The following LRPAP1 variants were observed in gnomAD, a reference collection of about 807,000 sequenced individuals.
LRPAP1 encodes the protein LDL receptor related protein associated protein 1.
LRPAP1 carries 41 observed loss-of-function variants against 39.9 expected under a neutral mutation model. That is an observed-to-expected ratio of 1.03 (90% CI 0.80 to 1.33). The LOEUF is 1.33. LRPAP1 is among the 40% of genes most tolerant of loss of function. The probability of loss-of-function intolerance (pLI) is 0.00; values close to 1 mark genes in which losing one functional copy is unlikely to be tolerated. For missense variants in LRPAP1, 565 were observed against 482.3 expected, an observed-to-expected ratio of 1.17 and a Z score of -1.61; for synonymous variants, 263 against 212.7, an observed-to-expected ratio of 1.24 and a Z score of -2.06.
intron 3 of LRPAP1, among the ~76,000 whole-genome samples, chr4:3,519,669 C>A (rs765512026): frequency 6.6e-6 from 1 of 152,210 alleles, no homozygotes; most frequent in Admixed American, 6.5e-5. Context: ...TTCCCAGGCA[C>A]AGGGTGAAAG....
chr4:3,509,986 T>C lies in LRPAP1; in HGVS notation c.*2988A>G, dbSNP rs78388152. 1.1e-5 allele frequency: 1 copy of C among 93,580 alleles called. No homozygotes were observed. The highest frequency in any genetic ancestry group is 8.0e-4 in the East Asian group (1 of 1,244). 5.8% of individuals were successfully genotyped at this position (93,580 alleles called of 1,614,324 possible). A position where few individuals can be genotyped will look rare whatever the true frequency, so the allele number is the denominator to read the frequency against. On this transcript the variant is annotated 3_prime_UTR_variant, in exon 8 of 8. Coordinates refer to ENST00000650182, the MANE Select transcript of LRPAP1 (RefSeq NM_002337.4). ...TGCTATTGAAATTCCAGAAGGCATG[T>C]TTTTTTGGTAGAAATTGAGACACTG...
intron 2 of LRPAP1, among the ~76,000 whole-genome samples, chr4:3,521,339 T>C (rs1277761218): frequency 6.6e-6 from 1 of 152,132 alleles, no homozygotes; most frequent in Non-Finnish European, 1.5e-5. Context: ...CGAGGACCTC[T>C]TCACCCAGAT....
At chr4:3,528,265 T>C (rs564082987) in intron 1 of LRPAP1, among the ~76,000 whole-genome samples, 5 of 152,284 alleles carry the variant, frequency 3.3e-5, no homozygotes, top group Admixed American at 2.0e-4. Context: ...AGGGTATACA[T>C]GCAGGCAAGA....
intron 3 of LRPAP1, among the ~76,000 whole-genome samples, chr4:3,519,232 G>A (rs1241571999): frequency 1.3e-5 from 2 of 152,246 alleles, no homozygotes; most frequent in Admixed American, 6.5e-5. Context: ...GCTGGCTGGG[G>A]TGGGGAGCAG....
In LRPAP1 at chr4:3,522,983, C is replaced by A. The variant is rs937491634; in HGVS notation, c.349+1924G>T. 2.0e-5 allele frequency among the ~76,000 whole-genome samples: 3 copies of A among 152,100 alleles called. No homozygotes were observed. The South Asian group carries it at 6.2e-4, about 32-fold the overall frequency. ...TCCAGGGACCACACCCAGAAGATGGCGGGGAACTGGCCAGGACGAGCCTCT... is the reference window on the plus strand; with the variant it reads ...TCCAGGGACCACACCCAGAAGATGGAGGGGAACTGGCCAGGACGAGCCTCT... On this transcript the variant is annotated intron_variant, in intron 2 of 7. Coordinates refer to ENST00000650182, the MANE Select transcript of LRPAP1 (RefSeq NM_002337.4).
chr4:3,514,058 C>T (rs951902329), intron 7 of LRPAP1, among the ~76,000 whole-genome samples: 2 of 152,262 alleles, frequency 1.3e-5, no homozygotes, highest in Admixed American at 6.5e-5. Context: ...GCCCTGCAAA[C>T]CCCACATGGT....
Position 3,520,123 on chromosome 4 carries a change from G to T in LRPAP1, c.420C>A (p.Gly140=). ...ARQVTSNSLS[G]TQEDGLDDPR... is the part of the protein sequence containing the mutation. ...GGTCATCCAGCCCGTCTTCCTGGGT[G>T]CCACTGAGGGAGTTGCTGGTCACCT... The change falls in exon 3 of 8, where the codon GGC becomes GGA. Residue 140 remains glycine (G), a synonymous_variant. Coordinates refer to ENST00000650182, the MANE Select transcript of LRPAP1 (RefSeq NM_002337.4). 6.2e-7 allele frequency: 1 copy of T among 1,614,204 alleles called. No individual in the cohort carries two copies. The highest frequency in any genetic ancestry group is 8.5e-7 in the Non-Finnish European group (1 of 1,180,032).
At chr4:3,519,037 T>G (rs1422630888) in intron 3 of LRPAP1, 46 bp from the exon 4 acceptor site, 1 of 1,598,852 alleles carries the variant, frequency 6.3e-7, no homozygotes, top group Non-Finnish European at 8.5e-7. Context: ...CGGGCTCGTG[T>G]GGCCAGGGCC....
At chr4:3,520,858 TC>T in intron 2 of LRPAP1, among the ~76,000 whole-genome samples, 1 of 152,194 alleles carries the variant, frequency 6.6e-6, no homozygotes, top group Non-Finnish European at 1.5e-5. Context: ...CACGTGGTGC[TC>T]CCCTAGCCCC....
chr4:3,531,922 G>A (rs1172169735), intron 1 of LRPAP1: 1 of 512,094 alleles, frequency 2.0e-6, no homozygotes, highest in Non-Finnish European at 3.5e-6. Flanking sequence ...CCCTACGCTC[G>A]GGTCAGCAGG....
intron 1 of LRPAP1, 127 bp downstream of exon 1, chr4:3,532,082 G>C: frequency 9.4e-7 from 1 of 1,067,240 alleles, no homozygotes; most frequent in Non-Finnish European, 1.3e-6. Flanking sequence ...GCCAAGGACA[G>C]GGCGCGTAGG....
At chr4:3,518,240 G>A in intron 4 of LRPAP1, 48 bp from the exon 5 acceptor site, 2 of 1,570,208 alleles carry the variant, frequency 1.3e-6, no homozygotes, top group Non-Finnish European at 1.7e-6. Flanking sequence ...TCCTCGCACT[G>A]CCTGCCCAGA....
At position 3,532,174 on chromosome 4, in the gene LRPAP1, CAGGCCCCGCTCCACCGACCG is replaced by C; in HGVS notation, c.204+15_204+34del. Reference sequence around the variant, plus strand: ...CGACCCCAACCACGGCCCCCGCCCCCAGGCCCCGCTCCACCGACCGCGGGCCGCGCTCACTCGCTGGGCCT... The same window carrying C: ...CGACCCCAACCACGGCCCCCGCCCCCCGGGCCGCGCTCACTCGCTGGGCCT... On this transcript the variant is annotated intron_variant, in intron 1 of 7. Transcript: ENST00000650182. 1 of 1,188,078 alleles carries C rather than the reference CAGGCCCCGCTCCACCGACCG, an allele frequency of 8.4e-7. No individual in the cohort carries two copies. The highest frequency in any genetic ancestry group is 1.2e-6 in the Non-Finnish European group (1 of 868,620). 73.6% of individuals were successfully genotyped at this position (1,188,078 alleles called of 1,614,324 possible). A position where few individuals can be genotyped will look rare whatever the true frequency, so the allele number is the denominator to read the frequency against.
In LRPAP1 at chr4:3,504,893, G is replaced by A. The variant is rs1012575872; in HGVS notation, c.*8081C>T. Among the ~76,000 whole-genome samples, 1 of 152,138 alleles carries A rather than the reference G, an allele frequency of 6.6e-6. No homozygotes were observed. Among genetic ancestry groups the A allele is most frequent in the Non-Finnish European group, 1.5e-5 (1 of 68,026 alleles). On this transcript the variant is annotated 3_prime_UTR_variant, in exon 8 of 8. Transcript: ENST00000650182. ...ACCTGGGAGGCAGAGGTTGCAGTGA[G>A]CCGAGATCGCACCAACGCACTCCAG...
In LRPAP1 at chr4:3,512,886, C is replaced by A; in HGVS notation, c.*88G>T. On this transcript the variant is annotated 3_prime_UTR_variant, in exon 8 of 8. Transcript: ENST00000650182. ...CCCGTGCCAGCCCCAGCCACCCTGACGGCGGGCTGTCCACGGAAATGCCAC... is the reference window on the plus strand; with the variant it reads ...CCCGTGCCAGCCCCAGCCACCCTGAAGGCGGGCTGTCCACGGAAATGCCAC... 1 of 1,211,506 alleles carries A rather than the reference C, an allele frequency of 8.3e-7. No homozygotes were observed. The highest frequency in any genetic ancestry group is 1.4e-5 in the South Asian group (1 of 71,180). 75.0% of individuals were successfully genotyped at this position (1,211,506 alleles called of 1,614,324 possible). A position where few individuals can be genotyped will look rare whatever the true frequency, so the allele number is the denominator to read the frequency against.
At chr4:3,525,951 C>T (rs934929848) in intron 1 of LRPAP1, among the ~76,000 whole-genome samples, 4 of 152,182 alleles carry the variant, frequency 2.6e-5, no homozygotes, top group African/African-American at 4.8e-5. Flanking sequence ...CTGGCCCGGC[C>T]GCTAAGAGGC....
Position 3,520,090 on chromosome 4 carries a change from C to T in LRPAP1, c.453G>A (p.Leu151=). The T allele has an allele frequency of 1.2e-6, 2 of 1,614,070 alleles. No individual in the cohort carries two copies. Among genetic ancestry groups the T allele is most frequent in the Non-Finnish European group, 1.7e-6 (2 of 1,179,992 alleles). The change falls in exon 3 of 8, where the codon CTG becomes CTA. Residue 151 remains leucine (L), a synonymous_variant. Transcript: ENST00000650182. ...TQEDGLDDPR[L]EKLWHKAKTS... ...AGAGTACCTTGTGCCACAGCTTTTC[C>T]AGCCTGGGGTCATCCAGCCCGTCTT...
chr4:3,506,642 G>A lies in LRPAP1; in HGVS notation c.*6332C>T, dbSNP rs1243803239. The A allele has an allele frequency of 1.3e-5, 2 of 152,216 alleles. No homozygotes were observed. Among genetic ancestry groups the A allele is most frequent in the Non-Finnish European group, 2.9e-5 (2 of 68,080 alleles). The allele number at this position is 152,216 out of a possible 1,614,324, so 9.4% of individuals were successfully genotyped here. A position where few individuals can be genotyped will look rare whatever the true frequency, so the allele number is the denominator to read the frequency against. On this transcript the variant is annotated 3_prime_UTR_variant, in exon 8 of 8. Coordinates refer to ENST00000650182, the MANE Select transcript of LRPAP1 (RefSeq NM_002337.4). ...CCACCTCCACCTCCCAAAGTGCTGG[G>A]ATTCCAGGCATGAGCCACCGCACCC...
In LRPAP1 at chr4:3,524,120, G is replaced by A. The variant is rs998446133; in HGVS notation, c.349+787C>T. On this transcript the variant is annotated intron_variant, in intron 2 of 7. Transcript: ENST00000650182. Reference sequence around the variant, plus strand: ...GGAGCAGCCCCAACCCCAGTCCCACGGGCCCACCTGGTGTGCGTCCTCTGC... The same window carrying A: ...GGAGCAGCCCCAACCCCAGTCCCACAGGCCCACCTGGTGTGCGTCCTCTGC... Among the ~76,000 whole-genome samples, 9 of 152,186 alleles carry A rather than the reference G, an allele frequency of 5.9e-5. 1 individual carries two copies. The highest frequency in any genetic ancestry group is 3.9e-4 in the Admixed American group (6 of 15,288).
Sources: allele counts gnomAD v4.1 joint callset (sites outside exome capture counted in the v4.1 genomes callset), GRCh38; gene constraint gnomAD v4.1.1; transcripts MANE v1.5; gene names NCBI Gene and HGNC (gene_info 2026-07-23, HGNC 2026-07-21).